The following KBTBD11 variants were observed in gnomAD, a reference collection of about 807,000 sequenced individuals.
The protein encoded by KBTBD11 is kelch repeat and BTB domain-containing protein 11.
For missense variants in KBTBD11, 1,390 were observed against 1,001.8 expected, an observed-to-expected ratio of 1.39 and a Z score of -5.23; for synonymous variants, 747 against 499.0, an observed-to-expected ratio of 1.50 and a Z score of -6.63.
Position 2,000,919 on chromosome 8 carries a change from G to A in KBTBD11, c.-274G>A. 2.6e-6 allele frequency: 1 copy of A among 378,990 alleles called. No homozygotes were observed. The highest frequency in any genetic ancestry group is 4.6e-6 in the Non-Finnish European group (1 of 215,278). 23.5% of individuals were successfully genotyped at this position (378,990 alleles called of 1,614,324 possible). On this transcript the variant is annotated 5_prime_UTR_variant, in exon 2 of 2. It introduces an in-frame stop codon into an upstream open reading frame of the 5' UTR. Coordinates refer to ENST00000320248, the MANE Select transcript of KBTBD11 (RefSeq NM_014867.3). ...GGAGATCCATTCACCAAGACTTTCT[G>A]GGCAGATTTAAAGTGGCTGGGGTTC...
At chr8:1,990,364 C>T (rs1332759242) in intron 1 of KBTBD11, among the ~76,000 whole-genome samples, 97 of 134,676 alleles carry the variant, frequency 7.2e-4, no homozygotes, top group African/African-American at 2.6e-3. Flanking sequence ...GCGCCCTGTC[C>T]GGGTAGATGC....
rs972018939 is a variant in KBTBD11, at chr8:2,003,141, G to T, written c.*77G>T. 6.2e-5 allele frequency: 77 copies of T among 1,247,430 alleles called. No homozygotes were observed. In the African/African-American group the frequency reaches 1.1e-3, roughly 18 times the overall value. The allele number at this position is 1,247,430 out of a possible 1,614,324, so 77.3% of individuals were successfully genotyped here. A position where few individuals can be genotyped will look rare whatever the true frequency, so the allele number is the denominator to read the frequency against. On this transcript the variant is annotated 3_prime_UTR_variant, in exon 2 of 2. Transcript: ENST00000320248. ...TCCCTTTGGGCCCGCGGAGGAGGAC[G>T]TGGTGGGGAGTCGGGGCCGCTGGCC...
At chr8:1,984,271 C>G (rs1318575753) in intron 1 of KBTBD11, among the ~76,000 whole-genome samples, 2 of 137,050 alleles carry the variant, frequency 1.5e-5, no homozygotes, top group Non-Finnish European at 3.1e-5. Context: ...GACCCCATCT[C>G]TAAAAAAGTT....
chr8:1,995,655 TG>T (rs1336364752), intron 1 of KBTBD11, among the ~76,000 whole-genome samples: 8 of 152,168 alleles, frequency 5.3e-5, no homozygotes, highest in African/African-American at 1.4e-4. Flanking sequence ...TGTTTTCATT[TG>T]GGCCTGGAGA....
intron 1 of KBTBD11, 36 bp from the exon 2 acceptor site, chr8:2,000,249 A>G (rs1347425789): frequency 6.6e-6 from 1 of 152,174 alleles, no homozygotes; most frequent in African/African-American, 2.4e-5. Flanking sequence ...TTACTGAAAA[A>G]CGCACAAATA....
At chr8:1,980,161 T>C (rs558706611) in intron 1 of KBTBD11, among the ~76,000 whole-genome samples, 2 of 152,144 alleles carry the variant, frequency 1.3e-5, no homozygotes, top group South Asian at 4.1e-4. Flanking sequence ...AGGACAAATA[T>C]TGAGATAAGA....
Position 2,001,074 on chromosome 8 carries a change from T to C in KBTBD11, c.-119T>C. 1 of 1,231,854 alleles carries C rather than the reference T, an allele frequency of 8.1e-7. No homozygotes were observed. The highest frequency in any genetic ancestry group is 1.0e-6 in the Non-Finnish European group (1 of 977,648). 76.3% of individuals were successfully genotyped at this position (1,231,854 alleles called of 1,614,324 possible). A position where few individuals can be genotyped will look rare whatever the true frequency, so the allele number is the denominator to read the frequency against. On this transcript the variant is annotated 5_prime_UTR_variant, in exon 2 of 2. Transcript: ENST00000320248. ...AAAGCGTGGACACACAGAAGTGAAA[T>C]CTGATCGCGTGCCAGGAAAAGCTGT...
At chr8:1,979,940 A>G (rs1342859081) in intron 1 of KBTBD11, among the ~76,000 whole-genome samples, 1 of 152,132 alleles carries the variant, frequency 6.6e-6, no homozygotes, top group Admixed American at 6.5e-5. Flanking sequence ...TGCAGCTGAG[A>G]GGTTTTCTTG....
At chr8:2,000,019 T>C (rs1045927987) in intron 1 of KBTBD11, among the ~76,000 whole-genome samples, 1 of 152,192 alleles carries the variant, frequency 6.6e-6, no homozygotes, top group Non-Finnish European at 1.5e-5. Context: ...GCCTTAATGT[T>C]TGGTGGTGCC....
At chr8:1,992,871 G>A (rs1393844929) in intron 1 of KBTBD11, among the ~76,000 whole-genome samples, 1 of 151,558 alleles carries the variant, frequency 6.6e-6, no homozygotes, top group Admixed American at 6.6e-5. Context: ...CCCCTACTTG[G>A]AGCTGTCATG....
intron 1 of KBTBD11, chr8:1,974,243 G>C (rs1343017417): frequency 1.1e-6 from 1 of 951,574 alleles, no homozygotes. Flanking sequence ...GGGCGTGGGG[G>C]CCTCCTCGCG....
At chr8:1,984,077 C>G (rs1273411383) in intron 1 of KBTBD11, among the ~76,000 whole-genome samples, 1 of 152,158 alleles carries the variant, frequency 6.6e-6, no homozygotes, top group African/African-American at 2.4e-5. Context: ...TTGCAGTGAG[C>G]CAAGATCGCG....
At chr8:1,996,869 C>T (rs759253686) in intron 1 of KBTBD11, among the ~76,000 whole-genome samples, 1 of 152,126 alleles carries the variant, frequency 6.6e-6, no homozygotes, top group East Asian at 1.9e-4. Flanking sequence ...AAGAAACTTA[C>T]ATCTTCTGGG....
At chr8:1,983,259 A>C (rs1816599970) in intron 1 of KBTBD11, among the ~76,000 whole-genome samples, 1 of 152,044 alleles carries the variant, frequency 6.6e-6, no homozygotes, top group South Asian at 2.1e-4. Context: ...CCCTGTGTGC[A>C]CCCCCATGCT....
intron 1 of KBTBD11, among the ~76,000 whole-genome samples, chr8:1,987,020 A>C (rs911270302): frequency 8.2e-5 from 10 of 122,286 alleles, no homozygotes; most frequent in Non-Finnish European, 1.6e-4. Context: ...AAAAAAAAAA[A>C]AAAAAAAAAA....
At chr8:1,996,864 A>T (rs1817160279) in intron 1 of KBTBD11, among the ~76,000 whole-genome samples, 1 of 152,056 alleles carries the variant, frequency 6.6e-6, no homozygotes, top group African/African-American at 2.4e-5. Context: ...CCCAGAAGAA[A>T]CTTACATCTT....
intron 1 of KBTBD11, chr8:1,974,749 A>G (rs1015384836): frequency 1.7e-5 from 17 of 975,248 alleles, no homozygotes; most frequent in African/African-American, 1.8e-5. Context: ...TGGAGCATGA[A>G]AAGAGGGTGA....
chr8:1,989,757 C>T (rs897700139), intron 1 of KBTBD11, among the ~76,000 whole-genome samples: 3 of 152,054 alleles, frequency 2.0e-5, no homozygotes, highest in Non-Finnish European at 2.9e-5. Flanking sequence ...CGTCTGGCTG[C>T]GAACCTGACC....
At chr8:1,985,253 A>C (rs1816673146) in intron 1 of KBTBD11, among the ~76,000 whole-genome samples, 1 of 152,252 alleles carries the variant, frequency 6.6e-6, no homozygotes, top group Non-Finnish European at 1.5e-5. Flanking sequence ...GAGCCCACAC[A>C]GACCTTGGTG....
Sources: allele counts gnomAD v4.1 joint callset (sites outside exome capture counted in the v4.1 genomes callset), GRCh38; gene constraint gnomAD v4.1.1; transcripts MANE v1.5; gene names NCBI Gene and HGNC (gene_info 2026-07-23, HGNC 2026-07-21).